The following PCDHGB4 variants were observed in gnomAD, a reference collection of about 807,000 sequenced individuals.
PCDHGB4 encodes protocadherin gamma-B4.
A neutral mutation model predicts 60.5 loss-of-function variants in PCDHGB4; 38 were observed. The ratio of observed to expected loss-of-function variants is 0.63; its 90% CI spans 0.48 to 0.82. PCDHGB4 has a LOEUF of 0.82. Ranked by LOEUF, PCDHGB4 falls within the 40% of genes least tolerant of loss-of-function variation. The pLI, the probability that PCDHGB4 is intolerant of heterozygous loss-of-function variation, is 0.00. For synonymous variants in PCDHGB4, 456 were observed against 509.7 expected (o/e 0.89, Z 1.42); for missense variants, 1,109 against 1,209.6 (o/e 0.92, Z 1.23).
chr5:141,500,207 T>G (rs932015076), intron 2 of PCDHGB4, among the ~76,000 whole-genome samples: 2 of 150,136 alleles, frequency 1.3e-5, no homozygotes, highest in African/African-American at 4.9e-5. Context: ...TTTATTTATT[T>G]ATTTATTTAT....
At chr5:141,423,497 A>G in intron 1 of PCDHGB4, 4 of 1,613,940 alleles carry the variant, frequency 2.5e-6, no homozygotes, top group Non-Finnish European at 3.4e-6. Flanking sequence ...TATTCCCACG[A>G]GGTCTCTCTC....
At chr5:141,465,812 T>A (rs533291720) in intron 1 of PCDHGB4, among the ~76,000 whole-genome samples, 1 of 152,082 alleles carries the variant, frequency 6.6e-6, no homozygotes, top group South Asian at 2.1e-4. Flanking sequence ...TTCAGGATCT[T>A]GATCACATTT....
chr5:141,415,739 GGTTTTTT>G lies in PCDHGB4; in HGVS notation c.2397+25459_2397+25465del. 7.6e-5 allele frequency: 33 copies of G among 434,894 alleles called. No homozygotes were observed. In the African/African-American group the frequency reaches 8.5e-4, roughly 11 times the overall value. The allele number at this position is 434,894 out of a possible 1,614,324, so 26.9% of individuals were successfully genotyped here. A position where few individuals can be genotyped will look rare whatever the true frequency, so the allele number is the denominator to read the frequency against. On this transcript the variant is annotated intron_variant, in intron 1 of 3. Transcript: ENST00000519479. ...ATGAGTAGAATTTGATGTTTATTAA[GGTTTTTT>G]TTTTTTTTTTTTTTTTTTTTTTTTT...
intron 1 of PCDHGB4, chr5:141,427,241 T>C (rs1381559575): frequency 4.4e-6 from 2 of 456,696 alleles, no homozygotes; most frequent in Admixed American, 2.3e-5. Flanking sequence ...GAGTAGAAGC[T>C]AAGGATGGTG....
chr5:141,491,109 A>G lies in PCDHGB4; in HGVS notation c.2398-3698A>G, dbSNP rs1039906987. 4.3e-6 allele frequency: 7 copies of G among 1,614,074 alleles called. No individual in the cohort carries two copies. The African/African-American group carries it at 9.3e-5, about 22-fold the overall frequency. ...CCCCAGGACTGTTCCTCGTGTCTAC[A>G]CACACTGGTGAGGTGCGCACAGCCC... On this transcript the variant is annotated intron_variant, in intron 1 of 3. Coordinates refer to ENST00000519479, the MANE Select transcript of PCDHGB4 (RefSeq NM_003736.4). The surrounding 1 kb of genome is among the most constrained non-coding windows in gnomAD (Gnocchi z 6.9).
intron 1 of PCDHGB4, chr5:141,404,970 C>G: frequency 6.2e-7 from 1 of 1,614,058 alleles, no homozygotes; most frequent in East Asian, 2.2e-5. Context: ...GACATCCTGG[C>G]TGACCTGGGC....
intron 3 of PCDHGB4, among the ~76,000 whole-genome samples, chr5:141,507,803 G>GAC (rs2099863701): frequency 6.6e-6 from 1 of 152,228 alleles, no homozygotes; most frequent in Admixed American, 6.5e-5. Flanking sequence ...CCTGCGCCCT[G>GAC]GGGAACGGAC....
chr5:141,408,937 C>T (rs2095198483), intron 1 of PCDHGB4: 5 of 1,613,344 alleles, frequency 3.1e-6, no homozygotes, highest in African/African-American at 1.3e-5. Flanking sequence ...TCAGCAGAGA[C>T]GAATATAGAA....
At chr5:141,419,658 A>T in intron 1 of PCDHGB4, 2 of 1,612,782 alleles carry the variant, frequency 1.2e-6, no homozygotes, top group Non-Finnish European at 1.7e-6. Flanking sequence ...GACTCGGGGC[A>T]CAATGCCTGG....
At chr5:141,392,632 C>A in intron 1 of PCDHGB4, 1 of 610,258 alleles carries the variant, frequency 1.6e-6, no homozygotes, top group Non-Finnish European at 2.7e-6. Context: ...ACTCAGATCT[C>A]ACACCTCACG....
At position 141,487,934 on chromosome 5, in the gene PCDHGB4, C is replaced by G; in HGVS notation, c.2398-6873C>G. 4.9e-6 allele frequency: 3 copies of G among 607,674 alleles called. No individual in the cohort carries two copies. Among genetic ancestry groups the G allele is most frequent in the Non-Finnish European group, 5.8e-6 (2 of 347,576 alleles). The allele number at this position is 607,674 out of a possible 1,614,324, so 37.6% of individuals were successfully genotyped here. A position where few individuals can be genotyped will look rare whatever the true frequency, so the allele number is the denominator to read the frequency against. On this transcript the variant is annotated intron_variant, in intron 1 of 3. Transcript: ENST00000519479. The surrounding 1 kb of genome is among the most constrained non-coding windows in gnomAD (Gnocchi z 5.0). ...ACAGGAGGCTACAGTGCACAGGGTA[C>G]AGTGCACCAGGCAGTCACTTGGACA... is the stretch of plus-strand genomic sequence containing the variant.
rs187713374 is a variant in PCDHGB4, at chr5:141,430,744, C to G, written c.2397+40463C>G. 2.5e-4 allele frequency: 380 copies of G among 1,498,404 alleles called. 1 individual carries two copies. In the African/African-American group the frequency reaches 4.6e-3, roughly 18 times the overall value. The allele number at this position is 1,498,404 out of a possible 1,614,324, so 92.8% of individuals were successfully genotyped here. A position where few individuals can be genotyped will look rare whatever the true frequency, so the allele number is the denominator to read the frequency against. ...GTTAAGGGCAGAATTGAAAATAATTCTGGAGGAAGATAAGAATGATTCCTG... is the reference window on the plus strand; with the variant it reads ...GTTAAGGGCAGAATTGAAAATAATTGTGGAGGAAGATAAGAATGATTCCTG... On this transcript the variant is annotated intron_variant, in intron 1 of 3. Coordinates refer to ENST00000519479, the MANE Select transcript of PCDHGB4 (RefSeq NM_003736.4).
At chr5:141,471,926 G>T (rs2099266798) in intron 1 of PCDHGB4, among the ~76,000 whole-genome samples, 1 of 152,110 alleles carries the variant, frequency 6.6e-6, no homozygotes, top group African/African-American at 2.4e-5. Flanking sequence ...AATTTTGGGG[G>T]TGATGAGAGT....
At chr5:141,421,213 G>C (rs916345810) in intron 1 of PCDHGB4, 3 of 1,548,472 alleles carry the variant, frequency 1.9e-6, no homozygotes, top group Admixed American at 4.1e-5. Context: ...GCGGAATATC[G>C]GCTTAGAGCC....
At chr5:141,410,266 G>A in intron 1 of PCDHGB4, 1 of 1,614,036 alleles carries the variant, frequency 6.2e-7, no homozygotes, top group South Asian at 1.1e-5. Context: ...AGGCTGAACT[G>A]CAGTTTTACC....
chr5:141,417,572 G>T, intron 1 of PCDHGB4: 1 of 376,228 alleles, frequency 2.7e-6, no homozygotes, highest in East Asian at 4.1e-5. Flanking sequence ...AAGTCAAGTT[G>T]CAGTCCCACA....
intron 1 of PCDHGB4, among the ~76,000 whole-genome samples, chr5:141,452,137 G>A (rs2154563838): frequency 6.6e-6 from 1 of 152,162 alleles, no homozygotes; most frequent in East Asian, 1.9e-4. Flanking sequence ...TGGCTCATGT[G>A]TTTTTTCCAA....
At chr5:141,427,007 C>T (rs1215109574) in intron 1 of PCDHGB4, 2 of 456,668 alleles carry the variant, frequency 4.4e-6, no homozygotes, top group Admixed American at 2.3e-5. Flanking sequence ...CAGTTTTTAG[C>T]CAGGATGTAT....
chr5:141,456,633 C>CT (rs1229637837), intron 1 of PCDHGB4, among the ~76,000 whole-genome samples: 1 of 152,182 alleles, frequency 6.6e-6, no homozygotes, highest in Non-Finnish European at 1.5e-5. Context: ...CTCTTCTTTA[C>CT]TACAGGTGTT....
Sources: allele counts gnomAD v4.1 joint callset (sites outside exome capture counted in the v4.1 genomes callset), GRCh38; gene constraint gnomAD v4.1.1; non-coding constraint Gnocchi (gnomAD v3.1); transcripts MANE v1.5; gene names NCBI Gene and HGNC (gene_info 2026-07-23, HGNC 2026-07-21).